Variants in KIAA0513 observed in about 807,000 individuals in gnomAD.
The protein encoded by KIAA0513 is uncharacterized protein KIAA0513.
A neutral mutation model predicts 56.5 loss-of-function variants in KIAA0513; 39 were observed. The ratio of observed to expected loss-of-function variants is 0.69; its 90% CI spans 0.53 to 0.90. The LOEUF (loss-of-function observed/expected upper bound fraction) is 0.90, where lower values mean the gene tolerates loss of function less well. Among genes scored for constraint, KIAA0513 ranks in the 40% least tolerant of loss-of-function variants. The pLI is 0.00. For missense variants in KIAA0513, 591 were observed against 535.2 expected (o/e 1.10, Z -1.03); for synonymous variants, 268 against 215.6 (o/e 1.24, Z -2.13).
chr16:85,089,865 A>C lies in KIAA0513; in HGVS notation c.*1540A>C. On this transcript the variant is annotated 3_prime_UTR_variant, in exon 13 of 13. Transcript: ENST00000683363. The surrounding 1 kb of genome is among the most constrained non-coding windows in gnomAD (Gnocchi z 4.2). The stretch of plus-strand genomic sequence containing the variant: ...TGCTGCAGATTGGTTGGATCACAGA[A>C]TGTGTGTCTGGGGCATTATCTGAAA... 1 of 152,262 alleles carries C rather than the reference A, an allele frequency of 6.6e-6. No individual in the cohort carries two copies. The allele number at this position is 152,262 out of a possible 1,614,324, so 9.4% of individuals were successfully genotyped here. A position where few individuals can be genotyped will look rare whatever the true frequency, so the allele number is the denominator to read the frequency against.
chr16:85,063,967 T>C (rs1236486373), intron 1 of KIAA0513, among the ~76,000 whole-genome samples: 1 of 151,810 alleles, frequency 6.6e-6, no homozygotes, highest in African/African-American at 2.4e-5. Context: ...TGCAACTTTT[T>C]CACATGTATT....
intron 1 of KIAA0513, among the ~76,000 whole-genome samples, chr16:85,038,509 C>G (rs1453190882): frequency 1.3e-5 from 2 of 151,910 alleles, no homozygotes; most frequent in Non-Finnish European, 2.9e-5. Flanking sequence ...GAGTTCCAGA[C>G]CGGTCTGACC....
chr16:85,058,669 C>A (rs1472091278), intron 1 of KIAA0513, among the ~76,000 whole-genome samples: 6 of 146,178 alleles, frequency 4.1e-5, no homozygotes, highest in South Asian at 2.2e-4. Flanking sequence ...AAAAAAAAAA[C>A]ACACAAGAAA....
At chr16:85,048,649 T>TGG (rs1180211292) in intron 1 of KIAA0513, among the ~76,000 whole-genome samples, 3 of 151,980 alleles carry the variant, frequency 2.0e-5, no homozygotes, top group Admixed American at 6.6e-5. Flanking sequence ...GAGGCTGAGG[T>TGG]GGGAGAGTTG....
chr16:85,071,043 C>G (rs539723156), intron 2 of KIAA0513, among the ~76,000 whole-genome samples: 1 of 152,286 alleles, frequency 6.6e-6, no homozygotes, highest in East Asian at 1.9e-4. Context: ...ATTGCATAAG[C>G]CAAGTGATCT....
At chr16:85,048,411 A>G (rs962313453) in intron 1 of KIAA0513, among the ~76,000 whole-genome samples, 4 of 152,234 alleles carry the variant, frequency 2.6e-5, no homozygotes, top group African/African-American at 9.6e-5. Flanking sequence ...GTATCCAGGT[A>G]GTCACCCATG....
Position 85,076,053 on chromosome 16 carries a change from A to T in KIAA0513, c.574+139A>T. 1 of 660,568 alleles carries T rather than the reference A, an allele frequency of 1.5e-6. No individual in the cohort carries two copies. The highest frequency in any genetic ancestry group is 1.7e-5 in the South Asian group (1 of 57,258). 40.9% of individuals were successfully genotyped at this position (660,568 alleles called of 1,614,324 possible). On this transcript the variant is annotated intron_variant, in intron 5 of 12. Coordinates refer to ENST00000683363, the MANE Select transcript of KIAA0513 (RefSeq NM_001388359.1). The surrounding 1 kb of genome is among the most constrained non-coding windows in gnomAD (Gnocchi z 4.7). ...ACAGAGGAAGCTGATGTTAGGGAGG[A>T]GTGAGACTTCGGAGAAAACACAGTC... is the stretch of plus-strand genomic sequence containing the variant.
At chr16:85,028,364 C>T (rs995962246) in intron 1 of KIAA0513, among the ~76,000 whole-genome samples, 1 of 152,120 alleles carries the variant, frequency 6.6e-6, no homozygotes, top group Non-Finnish European at 1.5e-5. Flanking sequence ...GTTGCTGCCT[C>T]ACCGCTCCCG....
intron 10 of KIAA0513, among the ~76,000 whole-genome samples, chr16:85,082,890 G>A (rs1436345923): frequency 1.3e-5 from 2 of 152,278 alleles, no homozygotes; most frequent in Non-Finnish European, 2.9e-5. Flanking sequence ...GAGCTCGAGA[G>A]GCAAAGGCGG....
At chr16:85,073,806 G>T (rs1440753294) in intron 4 of KIAA0513, among the ~76,000 whole-genome samples, 1 of 152,154 alleles carries the variant, frequency 6.6e-6, no homozygotes, top group Non-Finnish European at 1.5e-5. Flanking sequence ...CCTGCTTTGG[G>T]CCCCACGTCC....
intron 1 of KIAA0513, among the ~76,000 whole-genome samples, chr16:85,046,381 A>T (rs768101121): frequency 2.6e-5 from 4 of 152,212 alleles, no homozygotes; most frequent in Non-Finnish European, 5.9e-5. Context: ...TGGGGCTCCG[A>T]TATTGCGAAC....
At chr16:85,084,232 C>CTCTTT (rs1353186567) in intron 10 of KIAA0513, among the ~76,000 whole-genome samples, 1 of 138,166 alleles carries the variant, frequency 7.2e-6, no homozygotes, top group African/African-American at 2.7e-5. Context: ...CAGCTAATTT[C>CTCTTT]TCTTTTCTTT....
At chr16:85,049,754 G>A (rs988863185) in intron 1 of KIAA0513, among the ~76,000 whole-genome samples, 1 of 152,102 alleles carries the variant, frequency 6.6e-6, no homozygotes, top group Admixed American at 6.6e-5. Context: ...TGAACCTTTG[G>A]TTTTATTCTT....
At chr16:85,073,097 A>C in intron 4 of KIAA0513, 99 bp downstream of exon 4, 3 of 971,066 alleles carry the variant, frequency 3.1e-6, no homozygotes, top group Non-Finnish European at 5.0e-6. Flanking sequence ...GCTGTGAACC[A>C]TATCCACACT....
rs563681156 is a variant in KIAA0513, at chr16:85,093,675, A to G, written c.*5350A>G. ...GGGGTGGACTCCAGATCTCCCTGCA[A>G]GAGACAGCTTGGCTTGGCTTTGGCT... is the stretch of plus-strand genomic sequence containing the variant. On this transcript the variant is annotated 3_prime_UTR_variant, in exon 13 of 13. Coordinates refer to ENST00000683363, the MANE Select transcript of KIAA0513 (RefSeq NM_001388359.1). 6.6e-6 allele frequency: 1 copy of G among 152,458 alleles called. No homozygotes were observed. The highest frequency in any genetic ancestry group is 2.4e-5 in the African/African-American group (1 of 41,596). The allele number at this position is 152,458 out of a possible 1,614,324, so 9.4% of individuals were successfully genotyped here.
intron 2 of KIAA0513, among the ~76,000 whole-genome samples, chr16:85,071,288 G>A (rs768096456): frequency 6.6e-5 from 10 of 152,206 alleles, no homozygotes; most frequent in Non-Finnish European, 1.3e-4. Context: ...CCGCTGATAC[G>A]TGGGAGGTGA....
chr16:85,078,959 G>A lies in KIAA0513; in HGVS notation c.858G>A (p.Gly286=), dbSNP rs1171848516. The A allele has an allele frequency of 6.2e-7, 1 of 1,614,156 alleles. No homozygotes were observed. Among genetic ancestry groups the A allele is most frequent in the Non-Finnish European group, 8.5e-7 (1 of 1,180,030 alleles). ...TAYSPEDEKK[G]EKIYLYTHLK... The stretch of plus-strand genomic sequence containing the variant: ...ACAGCCCCGAGGACGAAAAGAAGGG[G>A]GAGAAGATCTACCTGTACACGCACC... The change falls in exon 8 of 13, where the codon GGG becomes GGA. Residue 286 remains glycine, a synonymous_variant. Coordinates refer to ENST00000683363, the MANE Select transcript of KIAA0513 (RefSeq NM_001388359.1).
intron 2 of KIAA0513, among the ~76,000 whole-genome samples, chr16:85,068,611 T>G (rs527237385): frequency 6.6e-6 from 1 of 152,040 alleles, no homozygotes; most frequent in East Asian, 1.9e-4. Context: ...AGATTACAGG[T>G]GTGAGCCACC....
chr16:85,067,765 C>T (rs547221126), intron 2 of KIAA0513, among the ~76,000 whole-genome samples: 220 of 152,224 alleles, frequency 1.4e-3, no homozygotes, highest in African/African-American at 4.8e-3. Flanking sequence ...CCATCATCCC[C>T]GTGAGCTCCA....
Sources: allele counts gnomAD v4.1 joint callset (sites outside exome capture counted in the v4.1 genomes callset), GRCh38; gene constraint gnomAD v4.1.1; non-coding constraint Gnocchi (gnomAD v3.1); transcripts MANE v1.5; gene names NCBI Gene and HGNC (gene_info 2026-07-23, HGNC 2026-07-21).